OR1J2: variants seen among roughly 807,000 people sequenced by gnomAD.
OR1J2 encodes olfactory receptor family 1 subfamily J member 2.
For synonymous variants in OR1J2, 142 were observed against 99.7 expected (o/e 1.42, Z -2.52); for missense variants, 304 against 246.1 (o/e 1.24, Z -1.57).
At chr9:122,492,472 G>A in the OR1J2 span, among the ~76,000 whole-genome samples, 7 of 152,014 alleles carry the variant, frequency 4.6e-5, no homozygotes, top group Non-Finnish European at 1.5e-5. Flanking sequence ...AAGTATATTT[G>A]TCTTTTTGGT....
the OR1J2 span, among the ~76,000 whole-genome samples, chr9:122,501,714 C>G: frequency 6.6e-6 from 1 of 152,064 alleles, no homozygotes; most frequent in African/African-American, 2.4e-5. Context: ...TGTTTCCTGA[C>G]AAATAGCCAA....
upstream of OR1J2, among the ~76,000 whole-genome samples, chr9:122,506,866 T>G (rs1451038210): frequency 1.3e-5 from 2 of 152,044 alleles, no homozygotes; most frequent in Non-Finnish European, 2.9e-5. Flanking sequence ...GGAGGAATAT[T>G]TTTCTGCCTT....
At chr9:122,481,183 A>G in the OR1J2 span, among the ~76,000 whole-genome samples, 2 of 152,200 alleles carry the variant, frequency 1.3e-5, no homozygotes, top group African/African-American at 4.8e-5. Context: ...ACAAGTGAGA[A>G]CATGCAGTAT....
chr9:122,575,304 A>T, the OR1J2 span, among the ~76,000 whole-genome samples: 3 of 152,144 alleles, frequency 2.0e-5, no homozygotes, highest in Non-Finnish European at 2.9e-5. Flanking sequence ...TTCACCAGTG[A>T]ACCCATCTGG....
the OR1J2 span, chr9:122,519,580 T>A: frequency 6.2e-7 from 1 of 1,614,216 alleles, no homozygotes; most frequent in Non-Finnish European, 8.5e-7. Flanking sequence ...CTAGTCACTG[T>A]GTCCTGGATC....
upstream of OR1J2, among the ~76,000 whole-genome samples, chr9:122,507,623 C>T (rs1401635549): frequency 6.6e-6 from 1 of 152,130 alleles, no homozygotes; most frequent in Non-Finnish European, 1.5e-5. Context: ...TGATCATTTT[C>T]CCCCTGTGCT....
At chr9:122,537,871 C>T in the OR1J2 span, among the ~76,000 whole-genome samples, 4 of 152,102 alleles carry the variant, frequency 2.6e-5, no homozygotes, top group African/African-American at 4.8e-5. Flanking sequence ...GAAAGGGTTG[C>T]CATTTTTACA....
At chr9:122,516,335 G>T (rs1345748619), downstream of OR1J2, among the ~76,000 whole-genome samples, 1 of 123,512 alleles carries the variant, frequency 8.1e-6, no homozygotes, top group Non-Finnish European at 1.6e-5. Flanking sequence ...ACGGAGTCTC[G>T]CTCTGTCGCC....
chr9:122,511,957 G>A (rs112480403), downstream of OR1J2, among the ~76,000 whole-genome samples: 200 of 152,162 alleles, frequency 1.3e-3, no homozygotes, highest in African/African-American at 4.5e-3. Flanking sequence ...GCCAAATTTT[G>A]TTATTTATTT....
chr9:122,464,169 A>G, the OR1J2 span, among the ~76,000 whole-genome samples: 1 of 152,066 alleles, frequency 6.6e-6, no homozygotes, highest in Non-Finnish European at 1.5e-5. Context: ...TTATGTTCCC[A>G]GGGGAATTAT....
chr9:122,519,061 T>G, the OR1J2 span: 2 of 949,432 alleles, frequency 2.1e-6, no homozygotes, highest in African/African-American at 3.3e-5. Context: ...CTTATTCTTA[T>G]CTGCTGCTGT....
chr9:122,465,694 G>A, the OR1J2 span, among the ~76,000 whole-genome samples: 1 of 152,182 alleles, frequency 6.6e-6, no homozygotes, highest in South Asian at 2.1e-4. Flanking sequence ...CTCCTTATGA[G>A]ATACCATGTC....
the OR1J2 span, chr9:122,520,153 C>CTTGCTGGGATCAGA: frequency 1.8e-6 from 2 of 1,128,858 alleles, no homozygotes; most frequent in Non-Finnish European, 1.3e-6. Flanking sequence ...CTTCTGATCC[C>CTTGCTGGGATCAGA]AGCAAGGGAT....
At chr9:122,524,135 T>G in the OR1J2 span, among the ~76,000 whole-genome samples, 1 of 152,222 alleles carries the variant, frequency 6.6e-6, no homozygotes, top group Admixed American at 6.5e-5. Flanking sequence ...AAGCTCATAA[T>G]GGAACTGAAT....
the OR1J2 span, among the ~76,000 whole-genome samples, chr9:122,557,053 AAGAGAGCAAC>A: frequency 2.0e-5 from 3 of 152,168 alleles, no homozygotes; most frequent in African/African-American, 7.2e-5. Flanking sequence ...GCTGCTATGT[AAGAGAGCAAC>A]TGGCTTTTGT....
At chr9:122,483,012 T>C in the OR1J2 span, among the ~76,000 whole-genome samples, 1 of 152,198 alleles carries the variant, frequency 6.6e-6, no homozygotes, top group African/African-American at 2.4e-5. Flanking sequence ...GGATTTTGAA[T>C]GTTTTCTTCA....
At chr9:122,459,071 G>A in the OR1J2 span, among the ~76,000 whole-genome samples, 1 of 151,932 alleles carries the variant, frequency 6.6e-6, no homozygotes, top group African/African-American at 2.4e-5. Context: ...TTGTCTTTCT[G>A]TGCCTGGATT....
the OR1J2 span, among the ~76,000 whole-genome samples, chr9:122,546,573 T>C: frequency 1.1e-4 from 17 of 152,168 alleles, no homozygotes; most frequent in Non-Finnish European, 2.2e-4. Context: ...CAAAAAATGC[T>C]ACGGATACAA....
chr9:122,454,425 T>C, the OR1J2 span, among the ~76,000 whole-genome samples: 1 of 151,982 alleles, frequency 6.6e-6, no homozygotes, highest in Non-Finnish European at 1.5e-5. Context: ...AGCTGAGATA[T>C]GAGAATTGCT....
Sources: allele counts gnomAD v4.1 joint callset (sites outside exome capture counted in the v4.1 genomes callset), GRCh38; gene constraint gnomAD v4.1.1; transcripts MANE v1.5; gene names NCBI Gene and HGNC (gene_info 2026-07-23, HGNC 2026-07-21).